CRACDL: variants seen among roughly 807,000 people sequenced by gnomAD.
CRACDL encodes CRACD-like protein.
Under a neutral mutation model 70.6 loss-of-function variants are expected in CRACDL, and 26 were observed. That is an observed-to-expected ratio of 0.37 (90% confidence interval 0.27 to 0.51). The LOEUF (loss-of-function observed/expected upper bound fraction) is 0.51. CRACDL is among the 20% of genes least tolerant of loss of function. The probability of loss-of-function intolerance (pLI) is 0.94; values close to 1 mark genes in which losing one functional copy is unlikely to be tolerated. For synonymous variants in CRACDL, 618 were observed against 615.2 expected, an observed-to-expected ratio of 1.00 and a Z score of -0.07; for missense variants, 1,283 against 1,376.9, an observed-to-expected ratio of 0.93 and a Z score of 1.08.
chr2:98,813,559 CA>C (rs1288032557), intron 7 of CRACDL, among the ~76,000 whole-genome samples: 1 of 152,038 alleles, frequency 6.6e-6, no homozygotes, highest in Non-Finnish European at 1.5e-5. Flanking sequence ...AGTCTCACAT[CA>C]TATACAAAAT....
intron 9 of CRACDL, among the ~76,000 whole-genome samples, chr2:98,795,077 A>ATATATATATATATTTTTTTTTTTT: frequency 3.4e-5 from 2 of 58,492 alleles, no homozygotes; most frequent in African/African-American, 6.6e-5. Flanking sequence ...ATATATATAT[A>ATATATATATATATTTTTTTTTTTT]TTTTTTTTTT....
At chr2:98,865,138 G>A (rs536101810) in intron 1 of CRACDL, among the ~76,000 whole-genome samples, 13 of 152,196 alleles carry the variant, frequency 8.5e-5, no homozygotes, top group African/African-American at 1.7e-4. Flanking sequence ...AGCAGAATGC[G>A]TGCCTCAGCC....
chr2:98,794,228 T>C lies in CRACDL; in HGVS notation c.*304A>G, dbSNP rs1335149326. Reference sequence around the variant, plus strand: ...TATGTGTCCAATTTCATTTCTATTTTCTTCCTTGTCTGAGGCTTCTTTATC... The same window carrying C: ...TATGTGTCCAATTTCATTTCTATTTCCTTCCTTGTCTGAGGCTTCTTTATC... On this transcript the variant is annotated 3_prime_UTR_variant, in exon 10 of 10. Coordinates refer to ENST00000397899, the MANE Select transcript of CRACDL (RefSeq NM_207362.3). 1 of 241,170 alleles carries C rather than the reference T, an allele frequency of 4.1e-6. No homozygotes were observed. Among genetic ancestry groups the C allele is most frequent in the Non-Finnish European group, 8.0e-6 (1 of 125,374 alleles). The allele number at this position is 241,170 out of a possible 1,614,324, so 14.9% of individuals were successfully genotyped here.
At chr2:98,837,206 GA>G (rs34735420) in intron 3 of CRACDL, among the ~76,000 whole-genome samples, 50,138 of 113,636 alleles carry the variant, frequency 0.44, 9,294 homozygotes, top group African/African-American at 0.53. Flanking sequence ...ACCCAAAACT[GA>G]AAAAAAAAAA....
At chr2:98,933,351 G>C (rs1474460268) in intron 1 of CRACDL, among the ~76,000 whole-genome samples, 1 of 152,192 alleles carries the variant, frequency 6.6e-6, no homozygotes, top group Non-Finnish European at 1.5e-5. Flanking sequence ...GGGTCCCCGA[G>C]GAGTAACGTG....
chr2:98,903,683 T>C (rs1708338445), intron 1 of CRACDL, among the ~76,000 whole-genome samples: 1 of 152,254 alleles, frequency 6.6e-6, no homozygotes, highest in Non-Finnish European at 1.5e-5. Context: ...CATTTGCATC[T>C]GATTAACCTC....
intron 9 of CRACDL, 47 bp from the exon 10 acceptor site, chr2:98,794,718 C>CA (rs775982872): frequency 6.4e-7 from 1 of 1,560,110 alleles, no homozygotes; most frequent in Non-Finnish European, 8.8e-7. Flanking sequence ...GCAGTGACTT[C>CA]GAATTTTCCC....
At chr2:98,920,630 C>G (rs1397504696) in intron 1 of CRACDL, among the ~76,000 whole-genome samples, 1 of 152,144 alleles carries the variant, frequency 6.6e-6, no homozygotes, top group East Asian at 1.9e-4. Context: ...CCTCTCCCAG[C>G]TGGAAAAGCC....
intron 2 of CRACDL, among the ~76,000 whole-genome samples, chr2:98,840,416 C>T (rs1189561284): frequency 6.6e-6 from 1 of 152,044 alleles, no homozygotes; most frequent in Non-Finnish European, 1.5e-5. Context: ...TTATGGCTTA[C>T]CATATGAACA....
intron 1 of CRACDL, among the ~76,000 whole-genome samples, chr2:98,849,915 T>C (rs1221070878): frequency 1.3e-5 from 2 of 152,136 alleles, no homozygotes; most frequent in Non-Finnish European, 2.9e-5. Flanking sequence ...CTCAGTATCC[T>C]CATAGGCAAA....
At chr2:98,867,865 T>C (rs1707206138) in intron 1 of CRACDL, among the ~76,000 whole-genome samples, 1 of 152,238 alleles carries the variant, frequency 6.6e-6, no homozygotes, top group Admixed American at 6.5e-5. Flanking sequence ...TTTCTATGCA[T>C]ATATCCCCAA....
Position 98,936,122 on chromosome 2 carries a change from G to C in CRACDL, c.-195C>G, listed in dbSNP as rs1032254832. ...GGTCTGCGGCCGAAGAGCTGGACGC[G>C]GGCGCTGACACTACCCTCCCGCGGC... On this transcript the variant is annotated 5_prime_UTR_variant, in exon 1 of 10. Transcript: ENST00000397899. 2 of 151,584 alleles carry C rather than the reference G, an allele frequency of 1.3e-5. No homozygotes were observed. Among genetic ancestry groups the C allele is most frequent in the Non-Finnish European group, 2.9e-5 (2 of 67,820 alleles). 9.4% of individuals were successfully genotyped at this position (151,584 alleles called of 1,614,324 possible).
At chr2:98,796,580 A>G (rs980505764) in intron 8 of CRACDL, among the ~76,000 whole-genome samples, 3 of 152,178 alleles carry the variant, frequency 2.0e-5, no homozygotes, top group Non-Finnish European at 4.4e-5. Context: ...GATTTTTATG[A>G]CAGTTGGAAT....
At chr2:98,849,203 C>T (rs1706381914) in intron 1 of CRACDL, among the ~76,000 whole-genome samples, 1 of 152,134 alleles carries the variant, frequency 6.6e-6, no homozygotes, top group Admixed American at 6.5e-5. Context: ...CTGGAGGAGC[C>T]CCGAGAGATC....
rs571402080 is a variant in CRACDL at position 98,914,849 on chromosome 2, C to T, written c.-11+21089G>A. Among the ~76,000 whole-genome samples the T allele has an allele frequency of 1.4e-3, 210 of 152,284 alleles. 1 individual carries two copies. Among genetic ancestry groups the T allele is most frequent in the African/African-American group, 4.9e-3 (203 of 41,576 alleles). ...AGCCAGCCTCTCTTCCTCCTGTGCC[C>T]GGTTAGACAGCACCATCCCAGGACT... On this transcript the variant is annotated intron_variant, in intron 1 of 9. Coordinates refer to ENST00000397899, the MANE Select transcript of CRACDL (RefSeq NM_207362.3).
Position 98,822,992 on chromosome 2 carries a change from A to G in CRACDL, c.1281T>C (p.Ala427=). 1.3e-6 allele frequency: 2 copies of G among 1,490,290 alleles called. No homozygotes were observed. Among genetic ancestry groups the G allele is most frequent in the Non-Finnish European group, 1.8e-6 (2 of 1,120,030 alleles). 92.3% of individuals were successfully genotyped at this position (1,490,290 alleles called of 1,614,324 possible). A position where few individuals can be genotyped will look rare whatever the true frequency, so the allele number is the denominator to read the frequency against. ...GGACACTGCGTTCTGGCCCGTCGCG[A>G]GCAGAGGGCGCCTCTGAGGTGGCGG... The part of the protein sequence containing the change: ...DPAATSEAPS[A]RDGPERSVPK... Residue 427 remains alanine (A), a synonymous_variant, in exon 7 of 10, where the codon GCT becomes GCC. Coordinates refer to ENST00000397899, the MANE Select transcript of CRACDL (RefSeq NM_207362.3). The surrounding 1 kb of genome is among the most constrained non-coding windows in gnomAD (Gnocchi z 4.9).
intron 1 of CRACDL, among the ~76,000 whole-genome samples, chr2:98,911,525 C>T (rs770080197): frequency 6.6e-6 from 1 of 152,206 alleles, no homozygotes; most frequent in Non-Finnish European, 1.5e-5. Flanking sequence ...TGTCATCCAA[C>T]ACGCGTTGTC....
intron 6 of CRACDL, among the ~76,000 whole-genome samples, chr2:98,825,175 G>A (rs927575181): frequency 6.6e-6 from 1 of 152,196 alleles, no homozygotes; most frequent in African/African-American, 2.4e-5. Context: ...GACACTGAAG[G>A]ACAGAGGCCC....
At chr2:98,858,512 CAAAAAAAAA>C (rs370742460) in intron 1 of CRACDL, among the ~76,000 whole-genome samples, 1 of 56,266 alleles carries the variant, frequency 1.8e-5, no homozygotes, top group Non-Finnish European at 4.1e-5. Flanking sequence ...GAGACTCTGT[CAAAAAAAAA>C]AAAAAAAAAA....
Sources: allele counts gnomAD v4.1 joint callset (sites outside exome capture counted in the v4.1 genomes callset), GRCh38; gene constraint gnomAD v4.1.1; non-coding constraint Gnocchi (gnomAD v3.1); transcripts MANE v1.5; gene names NCBI Gene and HGNC (gene_info 2026-07-23, HGNC 2026-07-21).